Variants in SHANK2 observed in about 807,000 individuals in gnomAD.
SHANK2 encodes the protein SH3 and multiple ankyrin repeat domains 2.
In SHANK2, 43 loss-of-function variants were observed where a neutral mutation model predicts 133.7. That is an observed-to-expected ratio of 0.32 (90% confidence interval 0.25 to 0.41). The LOEUF (loss-of-function observed/expected upper bound fraction) is 0.41. Ranked by LOEUF, SHANK2 falls within the 10% of genes least tolerant of loss-of-function variation. SHANK2 has a pLI of 1.00. For synonymous variants in SHANK2, 1,017 were observed against 952.8 expected, an observed-to-expected ratio of 1.07 and a Z score of -1.24; for missense variants, 1,994 against 2,235.8, an observed-to-expected ratio of 0.89 and a Z score of 2.18.
intron 15 of SHANK2, among the ~76,000 whole-genome samples, chr11:70,666,093 C>T (rs568214094): frequency 6.6e-6 from 1 of 152,008 alleles, no homozygotes. Flanking sequence ...GGGAGGTGGG[C>T]GAAGGATGAC....
intron 17 of SHANK2, among the ~76,000 whole-genome samples, chr11:70,517,088 C>T (rs1044014063): frequency 8.5e-5 from 13 of 152,106 alleles, no homozygotes; most frequent in Non-Finnish European, 1.8e-4. Context: ...TCTGAATAGA[C>T]AACTCACCAA....
At chr11:70,750,428 G>A (rs1946730162) in intron 14 of SHANK2, among the ~76,000 whole-genome samples, 2 of 152,290 alleles carry the variant, frequency 1.3e-5, no homozygotes, top group South Asian at 4.1e-4. Context: ...GAGGAGCTGT[G>A]GTCCACACAT....
At chr11:71,237,585 G>A (rs1256894581) in intron 1 of SHANK2, among the ~76,000 whole-genome samples, 5 of 152,294 alleles carry the variant, frequency 3.3e-5, no homozygotes, top group Middle Eastern at 3.4e-3. Context: ...TCACAAAGCC[G>A]AGGGCTGCAG....
At chr11:71,218,859 C>T (rs1260978869) in intron 2 of SHANK2, among the ~76,000 whole-genome samples, 1 of 152,240 alleles carries the variant, frequency 6.6e-6, no homozygotes, top group African/African-American at 2.4e-5. Flanking sequence ...GTTCTTCCAG[C>T]ACTGCTGGAG....
chr11:71,152,369 C>T (rs1475229286), intron 2 of SHANK2, among the ~76,000 whole-genome samples: 3 of 152,234 alleles, frequency 2.0e-5, no homozygotes, highest in Non-Finnish European at 2.9e-5. Context: ...CTGCCTCCAC[C>T]TCCCAAAGTG....
intron 11 of SHANK2, among the ~76,000 whole-genome samples, chr11:70,822,716 A>G (rs1590724694): frequency 8.9e-6 from 1 of 112,578 alleles, no homozygotes. Context: ...GTCATGGGGG[A>G]CAGAGGTGGC....
chr11:70,598,059 C>G (rs2060424524), intron 17 of SHANK2, among the ~76,000 whole-genome samples: 1 of 152,226 alleles, frequency 6.6e-6, no homozygotes, highest in Non-Finnish European at 1.5e-5. Flanking sequence ...CTAACTGCCC[C>G]TCTGGACACT....
intron 17 of SHANK2, among the ~76,000 whole-genome samples, chr11:70,653,770 T>C (rs902550188): frequency 6.6e-6 from 1 of 152,112 alleles, no homozygotes; most frequent in Admixed American, 6.5e-5. Flanking sequence ...TCAACTGGGA[T>C]TAACAGGCAC....
intron 15 of SHANK2, chr11:70,662,214 A>G (rs1450002409): frequency 8.9e-6 from 2 of 225,714 alleles, no homozygotes; most frequent in African/African-American, 2.3e-5. Context: ...ATCAAATCCT[A>G]TCTGCTCCCC....
chr11:70,880,327 G>A (rs1949640223), intron 11 of SHANK2, among the ~76,000 whole-genome samples: 1 of 152,222 alleles, frequency 6.6e-6, no homozygotes, highest in African/African-American at 2.4e-5. Context: ...CAGCTGGGGA[G>A]GAGACCGGGC....
At position 70,690,488 on chromosome 11, in the gene SHANK2, GTTTTTTTTTTTT is replaced by G. The variant is rs35737323; in HGVS notation, c.1853+8188_1853+8199del. Among the ~76,000 whole-genome samples, 94 of 32,814 alleles carry G rather than the reference GTTTTTTTTTTTT, an allele frequency of 2.9e-3. 1 individual carries two copies. The Admixed American group carries it at 0.048, about 17-fold the overall frequency. 21.5% of individuals were successfully genotyped at this position (32,814 alleles called of 152,430 possible). A position where few individuals can be genotyped will look rare whatever the true frequency, so the allele number is the denominator to read the frequency against. On this transcript the variant is annotated intron_variant, in intron 15 of 25. Coordinates refer to ENST00000601538, the MANE Select transcript of SHANK2 (RefSeq NM_012309.5). ...ATCATCATAATGTAATACTTCCCAT[GTTTTTTTTTTTT>G]TTTTTTTTTTTTTTTTTTTTTGGTG...
intron 17 of SHANK2, among the ~76,000 whole-genome samples, chr11:70,526,245 A>G (rs1480417697): frequency 4.6e-5 from 7 of 152,180 alleles, no homozygotes; most frequent in Admixed American, 3.3e-4. Flanking sequence ...CAACATTAAT[A>G]TAATTGTAGC....
chr11:70,472,771 G>A lies in SHANK2; in HGVS notation c.*98C>T, dbSNP rs1591471619. 2.5e-6 allele frequency: 3 copies of A among 1,195,566 alleles called. No individual in the cohort carries two copies. Among genetic ancestry groups the A allele is most frequent in the East Asian group, 4.6e-5 (2 of 43,018 alleles). The allele number at this position is 1,195,566 out of a possible 1,614,324, so 74.1% of individuals were successfully genotyped here. A position where few individuals can be genotyped will look rare whatever the true frequency, so the allele number is the denominator to read the frequency against. On this transcript the variant is annotated 3_prime_UTR_variant, in exon 26 of 26. Transcript: ENST00000601538. The surrounding 1 kb of genome is among the most constrained non-coding windows in gnomAD (Gnocchi z 4.4). ...CCAGGAGACAAACCCATGGAGTGGG[G>A]TTGATGCTCACAGACTTCGCTTGGC... is the stretch of plus-strand genomic sequence containing the variant.
At chr11:70,530,827 C>A (rs957428149) in intron 17 of SHANK2, among the ~76,000 whole-genome samples, 1 of 151,956 alleles carries the variant, frequency 6.6e-6, no homozygotes, top group Non-Finnish European at 1.5e-5. Flanking sequence ...ATAGTGGTGA[C>A]GATTGCACAA....
At chr11:70,634,159 G>T (rs181922442) in intron 17 of SHANK2, 1 of 152,086 alleles carries the variant, frequency 6.6e-6, no homozygotes, top group African/African-American at 2.4e-5. Context: ...TGCTAATGGA[G>T]GGGTTTCAGA....
intron 2 of SHANK2, among the ~76,000 whole-genome samples, chr11:71,212,738 A>G (rs1020151265): frequency 5.9e-5 from 9 of 152,348 alleles, no homozygotes; most frequent in African/African-American, 1.9e-4. Context: ...CACTTCCTCA[A>G]CGTCAAACAC....
At chr11:70,748,032 G>A (rs908496951) in intron 14 of SHANK2, among the ~76,000 whole-genome samples, 1 of 148,684 alleles carries the variant, frequency 6.7e-6, no homozygotes, top group Non-Finnish European at 1.5e-5. Context: ...GAGCTGAAAC[G>A]GGGGTTATCT....
intron 14 of SHANK2, among the ~76,000 whole-genome samples, chr11:70,738,448 G>A (rs782574111): frequency 5.3e-5 from 8 of 152,232 alleles, no homozygotes; most frequent in Non-Finnish European, 7.3e-5. Context: ...GAGCAGTACC[G>A]TGGCTGAGGC....
intron 9 of SHANK2, among the ~76,000 whole-genome samples, chr11:71,068,888 C>T (rs1210223620): frequency 6.6e-6 from 1 of 151,890 alleles, no homozygotes; most frequent in African/African-American, 2.4e-5. Flanking sequence ...ATTACCATCA[C>T]CATCACCACC....
Sources: allele counts gnomAD v4.1 joint callset (sites outside exome capture counted in the v4.1 genomes callset), GRCh38; gene constraint gnomAD v4.1.1; non-coding constraint Gnocchi (gnomAD v3.1); transcripts MANE v1.5; gene names NCBI Gene and HGNC (gene_info 2026-07-23, HGNC 2026-07-21).